Variants in C12orf42 observed in about 807,000 individuals in gnomAD.
C12orf42 encodes chromosome 12 open reading frame 42.
C12orf42 carries 25 observed loss-of-function variants against 21.6 expected under a neutral mutation model. That is an observed-to-expected ratio of 1.16 (90% confidence interval 0.84 to 1.62). The LOEUF is 1.62. Ranked by LOEUF, C12orf42 falls within the 40% of genes most tolerant of loss-of-function variation. C12orf42 has a pLI of 0.00. For missense variants in C12orf42, 483 were observed against 459.3 expected (o/e 1.05, Z -0.47); for synonymous variants, 174 against 175.0 (o/e 0.99, Z 0.05).
chr12:103,306,589 G>T (rs1011237922), intron 4 of C12orf42, among the ~76,000 whole-genome samples: 1 of 152,086 alleles, frequency 6.6e-6, no homozygotes, highest in East Asian at 1.9e-4. Flanking sequence ...ACCGTGTGAG[G>T]CCCCAGACAT....
chr12:103,511,886 GA>G, the C12orf42 span, among the ~76,000 whole-genome samples: 24 of 152,164 alleles, frequency 1.6e-4, no homozygotes, highest in Non-Finnish European at 8.8e-5. Flanking sequence ...GGCATGGTAA[GA>G]AAAGGACACA....
At chr12:103,145,484 T>C in the C12orf42 span, among the ~76,000 whole-genome samples, 1 of 152,276 alleles carries the variant, frequency 6.6e-6, no homozygotes, top group East Asian at 1.9e-4. Flanking sequence ...TAACAAGTGG[T>C]GGTGAGGGTT....
the C12orf42 span, among the ~76,000 whole-genome samples, chr12:103,089,987 C>T: frequency 3.6e-3 from 546 of 152,324 alleles, 3 homozygotes; most frequent in Middle Eastern, 6.8e-3. Flanking sequence ...CTGCTACCCA[C>T]ACACACTGTA....
chr12:103,164,754 C>A, the C12orf42 span: 82 of 454,298 alleles, frequency 1.8e-4, no homozygotes, highest in Admixed American at 2.4e-5. Context: ...ATGTAACACT[C>A]CAGACAAGAG....
intron 2 of C12orf42, among the ~76,000 whole-genome samples, chr12:103,412,066 C>T (rs903242697): frequency 3.3e-5 from 5 of 152,150 alleles, no homozygotes; most frequent in African/African-American, 1.2e-4. Context: ...AAAGGTGCCA[C>T]ATCAGGACTT....
intron 2 of C12orf42, among the ~76,000 whole-genome samples, chr12:103,413,187 A>G (rs996501807): frequency 6.6e-6 from 1 of 152,180 alleles, no homozygotes; most frequent in African/African-American, 2.4e-5. Context: ...CCAGTTATCC[A>G]AGCACCATTT....
chr12:103,154,481 A>G, the C12orf42 span, among the ~76,000 whole-genome samples: 1 of 152,182 alleles, frequency 6.6e-6, no homozygotes, highest in African/African-American at 2.4e-5. Context: ...CTAGTTTTAC[A>G]TTCCATCAAA....
chr12:103,133,248 C>T, the C12orf42 span, among the ~76,000 whole-genome samples: 1 of 152,156 alleles, frequency 6.6e-6, no homozygotes, highest in Non-Finnish European at 1.5e-5. Flanking sequence ...ACTTCTAACA[C>T]CAACATTTGG....
chr12:103,498,363 C>T (rs1955625876), upstream of C12orf42, among the ~76,000 whole-genome samples: 1 of 152,136 alleles, frequency 6.6e-6, no homozygotes, highest in African/African-American at 2.4e-5. Flanking sequence ...TGGATGAATG[C>T]ATGAATGAAC....
the C12orf42 span, among the ~76,000 whole-genome samples, chr12:103,526,270 T>C: frequency 1.3e-5 from 2 of 152,214 alleles, no homozygotes; most frequent in Non-Finnish European, 2.9e-5. Flanking sequence ...CATTATTTGC[T>C]TTTTCTAAGC....
intron 2 of C12orf42, among the ~76,000 whole-genome samples, chr12:103,459,015 C>T (rs1413134887): frequency 6.6e-6 from 1 of 151,350 alleles, no homozygotes; most frequent in Non-Finnish European, 1.5e-5. Flanking sequence ...CAAATCTGAC[C>T]CTGAGGGAAG....
intron 2 of C12orf42, among the ~76,000 whole-genome samples, chr12:103,411,281 CAA>C (rs2048825393): frequency 6.6e-6 from 1 of 152,010 alleles, no homozygotes; most frequent in Non-Finnish European, 1.5e-5. Flanking sequence ...TATTAATATG[CAA>C]AAGTTTTAAA....
At chr12:103,548,454 C>T in the C12orf42 span, among the ~76,000 whole-genome samples, 1 of 152,108 alleles carries the variant, frequency 6.6e-6, no homozygotes, top group African/African-American at 2.4e-5. Context: ...TAGATAAAAA[C>T]AATGACCATC....
At chr12:103,477,923 T>G (rs563748597) in intron 2 of C12orf42, 35 of 183,930 alleles carry the variant, frequency 1.9e-4, no homozygotes, top group Middle Eastern at 4.4e-3. Flanking sequence ...ATTCTTACCA[T>G]TACCAGAGCA....
intron 10 of C12orf42, among the ~76,000 whole-genome samples, chr12:103,258,425 G>A (rs2034720282): frequency 6.6e-6 from 1 of 151,920 alleles, no homozygotes; most frequent in Admixed American, 6.6e-5. Flanking sequence ...ACAAGTCAAA[G>A]ACACCCCATC....
intron 1 of C12orf42, among the ~76,000 whole-genome samples, chr12:103,491,466 A>G (rs1955180088): frequency 6.6e-6 from 1 of 152,208 alleles, no homozygotes; most frequent in African/African-American, 2.4e-5. Flanking sequence ...GCCTCAAGAG[A>G]TAATTGGCGA....
At chr12:103,358,367 A>T (rs1226932000) in intron 4 of C12orf42, among the ~76,000 whole-genome samples, 2 of 152,068 alleles carry the variant, frequency 1.3e-5, no homozygotes, top group African/African-American at 4.8e-5. Context: ...GATCCCAGGG[A>T]TATGAGATGA....
the C12orf42 span, among the ~76,000 whole-genome samples, chr12:103,551,976 A>G: frequency 2.0e-5 from 3 of 152,218 alleles, no homozygotes; most frequent in Non-Finnish European, 4.4e-5. Context: ...TCCAGTCATC[A>G]TGAAATTGAG....
chr12:103,070,242 A>C, the C12orf42 span, among the ~76,000 whole-genome samples: 3 of 152,022 alleles, frequency 2.0e-5, no homozygotes, highest in Non-Finnish European at 4.4e-5. Flanking sequence ...TGCACCCTTA[A>C]GTTGTGATTT....
Sources: gnomAD v4.1 joint callset for allele counts (sites outside exome capture counted in the v4.1 genomes callset) on GRCh38, gnomAD v4.1.1 for gene constraint, MANE v1.5 for transcripts, NCBI Gene and HGNC (gene_info 2026-07-23, HGNC 2026-07-21) for gene names.